Variants in GTPBP4 observed in about 807,000 individuals in gnomAD.
GTPBP4 encodes the protein GTP binding protein 4, also known as GTP-binding protein 4.
In GTPBP4, 15 loss-of-function variants were observed where a neutral mutation model predicts 81.7. That is an observed-to-expected ratio of 0.18 (90% CI 0.12 to 0.28). The LOEUF (loss-of-function observed/expected upper bound fraction) is 0.28, where lower values mean the gene tolerates loss of function less well. Ranked by LOEUF, GTPBP4 falls within the 10% of genes least tolerant of loss-of-function variation. GTPBP4 has a pLI of 1.00. For missense variants in GTPBP4, 847 were observed against 793.8 expected (o/e 1.07, Z -0.81); for synonymous variants, 272 against 274.6 (o/e 0.99, Z 0.09).
intron 1 of GTPBP4, among the ~76,000 whole-genome samples, chr10:989,625 C>T (rs1352315472): frequency 6.6e-6 from 1 of 152,186 alleles, no homozygotes; most frequent in African/African-American, 2.4e-5. Flanking sequence ...CCTTGGAAAG[C>T]TTTGTGGGAG....
At chr10:1,001,987 G>A (rs1220280122) in intron 8 of GTPBP4, among the ~76,000 whole-genome samples, 3 of 150,738 alleles carry the variant, frequency 2.0e-5, no homozygotes, top group African/African-American at 7.4e-5. Flanking sequence ...GCAGTGGCAC[G>A]GTCTCGGCTC....
At chr10:999,307 GA>G (rs1831584577) in intron 6 of GTPBP4, among the ~76,000 whole-genome samples, 1 of 152,106 alleles carries the variant, frequency 6.6e-6, no homozygotes, top group Non-Finnish European at 1.5e-5. Flanking sequence ...TTTTAGTAGA[GA>G]GGGGGTTTCA....
chr10:1,000,363 G>A (rs551925165), intron 6 of GTPBP4, among the ~76,000 whole-genome samples: 3 of 148,508 alleles, frequency 2.0e-5, no homozygotes, highest in Admixed American at 6.9e-5. Context: ...TCAGCCTCCC[G>A]AGTAGCTGGG....
Position 1,012,641 on chromosome 10 carries a change from G to A in GTPBP4, c.1521G>A (p.Arg507=). Residue 507 remains arginine, a synonymous_variant, in exon 14 of 17, where the codon AGG becomes AGA. Transcript: ENST00000360803. ...AAGAAAAGAATACACAGGGACCCAG[G>A]ATGCCGCGAACTGCTAAGAAGGCAA... is the stretch of plus-strand genomic sequence containing the variant. The part of the protein sequence containing the change: ...ESKEKNTQGP[R]MPRTAKKVQR... 1 of 1,613,290 alleles carries A rather than the reference G, an allele frequency of 6.2e-7. No individual in the cohort carries two copies. Among genetic ancestry groups the A allele is most frequent in the Non-Finnish European group, 8.5e-7 (1 of 1,179,560 alleles).
At chr10:993,496 C>T (rs1318294787) in intron 2 of GTPBP4, among the ~76,000 whole-genome samples, 1 of 152,202 alleles carries the variant, frequency 6.6e-6, no homozygotes, top group Non-Finnish European at 1.5e-5. Context: ...ATCTACCTGC[C>T]TCAGCCTCCC....
At chr10:1,009,427 T>C in intron 11 of GTPBP4, 102 bp from the exon 12 acceptor site, 1 of 833,618 alleles carries the variant, frequency 1.2e-6, no homozygotes, top group Non-Finnish European at 2.1e-6. Context: ...CCACTGATAC[T>C]GAGAGGATTG....
chr10:1,019,510 C>T lies in GTPBP4; in HGVS notation c.*2283C>T, dbSNP rs1832050448. 2 of 1,606,530 alleles carry T rather than the reference C, an allele frequency of 1.2e-6. No homozygotes were observed. The highest frequency in any genetic ancestry group is 2.7e-5 in the African/African-American group (2 of 74,718). ...ATTACACATGGCTGACTCGACCTCC[C>T]TGCCTCTCACACTCTGTGTATTTTG... On this transcript the variant is annotated 3_prime_UTR_variant, in exon 17 of 17. Coordinates refer to ENST00000360803, the MANE Select transcript of GTPBP4 (RefSeq NM_012341.3).
Position 988,467 on chromosome 10 carries a change from T to C in GTPBP4, c.-13T>C. On this transcript the variant is annotated 5_prime_UTR_variant, in exon 1 of 17. Transcript: ENST00000360803. ...CGGGAGTGCCAAGTACCCGCGTGCA[T>C]ACGGCTGCCGGCATGGCACATTACA... is the stretch of plus-strand genomic sequence containing the variant. 6.2e-7 allele frequency: 1 copy of C among 1,612,126 alleles called. No individual in the cohort carries two copies. The highest frequency in any genetic ancestry group is 1.1e-5 in the South Asian group (1 of 91,000).
chr10:1,012,291 G>A (rs972595325), intron 13 of GTPBP4, 174 bp from the exon 14 acceptor site: 6 of 487,832 alleles, frequency 1.2e-5, no homozygotes, highest in African/African-American at 3.9e-5. Context: ...TTTCTTCACA[G>A]AACCCTCCCT....
At chr10:1,005,219 C>A (rs1207303819) in intron 8 of GTPBP4, among the ~76,000 whole-genome samples, 3 of 152,160 alleles carry the variant, frequency 2.0e-5, no homozygotes, top group Non-Finnish European at 4.4e-5. Flanking sequence ...GATCTCTGCT[C>A]AATGCAAGCT....
At chr10:1,004,878 C>T (rs12411376) in intron 8 of GTPBP4, among the ~76,000 whole-genome samples, 85,487 of 152,066 alleles carry the variant, frequency 0.56, 24,220 homozygotes, top group African/African-American at 0.62. Context: ...ATACTCCAGC[C>T]GCAGTTCCAG....
intron 15 of GTPBP4, among the ~76,000 whole-genome samples, chr10:1,014,924 G>A (rs1444654351): frequency 1.3e-5 from 2 of 151,798 alleles, no homozygotes; most frequent in Admixed American, 6.6e-5. Context: ...ACCATGACGT[G>A]CCCAGGGTGT....
intron 13 of GTPBP4, among the ~76,000 whole-genome samples, chr10:1,010,849 G>C (rs1250040868): frequency 8.2e-6 from 1 of 121,798 alleles, no homozygotes; most frequent in Non-Finnish European, 1.7e-5. Flanking sequence ...CCCGACACTG[G>C]TGGAGATGCT....
intron 14 of GTPBP4, among the ~76,000 whole-genome samples, chr10:1,013,601 C>A (rs1365528323): frequency 6.6e-6 from 1 of 151,996 alleles, no homozygotes; most frequent in East Asian, 1.9e-4. Context: ...CAGAGCAAGA[C>A]TCCATCTCAA....
chr10:999,225 T>G (rs1831583124), intron 6 of GTPBP4, 130 bp downstream of exon 6: 2 of 629,946 alleles, frequency 3.2e-6, no homozygotes, highest in Non-Finnish European at 5.8e-6. Context: ...TTCAAGTGAT[T>G]CTCCTGCCTC....
intron 13 of GTPBP4, among the ~76,000 whole-genome samples, chr10:1,010,814 T>C: frequency 7.6e-6 from 1 of 130,894 alleles, no homozygotes; most frequent in Non-Finnish European, 1.6e-5. Flanking sequence ...CCATCCTGAC[T>C]CTGCCTCCTG....
At chr10:997,107 G>T (rs2132159002) in intron 4 of GTPBP4, 101 bp from the exon 5 acceptor site, 1 of 744,798 alleles carries the variant, frequency 1.3e-6, no homozygotes, top group Non-Finnish European at 2.4e-6. Flanking sequence ...GGAGTAAGAT[G>T]AATATCACCA....
rs552494846 is a variant in GTPBP4, at chr10:1,004,348, GA to G, written c.913-1468del. On this transcript the variant is annotated intron_variant, in intron 8 of 16. Coordinates refer to ENST00000360803, the MANE Select transcript of GTPBP4 (RefSeq NM_012341.3). Reference sequence around the variant, plus strand: ...GAAAGAGTGGTGACTCTGCAGCTCAGAATATAGGGTTAGTCCAGCTCCAGGG... The same window carrying G: ...GAAAGAGTGGTGACTCTGCAGCTCAGATATAGGGTTAGTCCAGCTCCAGGG... Among the ~76,000 whole-genome samples, 10 of 152,168 alleles carry G rather than the reference GA, an allele frequency of 6.6e-5. No individual in the cohort carries two copies. The East Asian group carries it at 1.9e-3, about 29-fold the overall frequency.
chr10:1,010,246 T>A (rs954353828), intron 12 of GTPBP4, among the ~76,000 whole-genome samples, 174 bp from the exon 13 acceptor site: 3 of 151,840 alleles, frequency 2.0e-5, no homozygotes, highest in African/African-American at 7.3e-5. Flanking sequence ...TTTCTCCACG[T>A]GTGGGTGTTG....
Sources: gnomAD v4.1 joint callset for allele counts (sites outside exome capture counted in the v4.1 genomes callset) on GRCh38, gnomAD v4.1.1 for gene constraint, MANE v1.5 for transcripts, NCBI Gene and HGNC (gene_info 2026-07-23, HGNC 2026-07-21) for gene names.